The following EDC3 variants were observed in gnomAD, a reference collection of about 807,000 sequenced individuals.
The protein encoded by EDC3 is enhancer of mRNA-decapping protein 3.
Under a neutral mutation model 41.8 loss-of-function variants are expected in EDC3, and 20 were observed. The observed-to-expected ratio is 0.48, with a 90% CI of 0.34 to 0.70. EDC3 has a LOEUF of 0.70. Among genes scored for constraint, EDC3 ranks in the 30% least tolerant of loss-of-function variants. The probability of loss-of-function intolerance (pLI) is 0.01; values close to 1 mark genes in which losing one functional copy is unlikely to be tolerated. For synonymous variants in EDC3, 206 were observed against 243.2 expected (o/e 0.85, Z 1.42); for missense variants, 444 against 636.8 (o/e 0.70, Z 3.26).
intron 3 of EDC3, among the ~76,000 whole-genome samples, chr15:74,663,269 C>G (rs1056197828): frequency 6.6e-6 from 1 of 151,836 alleles, no homozygotes; most frequent in Non-Finnish European, 1.5e-5. Context: ...GCCTGGGTGA[C>G]AGAGCAAGAC....
chr15:74,659,114 A>G (rs1215916017), intron 3 of EDC3, among the ~76,000 whole-genome samples: 1 of 152,210 alleles, frequency 6.6e-6, no homozygotes, highest in Non-Finnish European at 1.5e-5. Context: ...CACTTATGCC[A>G]TAGCTAGGTG....
intron 1 of EDC3, among the ~76,000 whole-genome samples, chr15:74,678,783 A>C (rs1018678897): frequency 4.0e-5 from 6 of 151,384 alleles, no homozygotes; most frequent in Non-Finnish European, 8.8e-5. Context: ...CCAGCTACTC[A>C]AGAGGCTGAG....
Position 74,640,338 on chromosome 15 carries a change from A to G in EDC3, c.974+128T>C, listed in dbSNP as rs932086887. ...AGCATCCAGGAAAGTGACTTCAGAG[A>G]GACACTCCCATCAGATGAGCAGAAA... On this transcript the variant is annotated intron_variant, in intron 5 of 6. Transcript: ENST00000315127. 26 of 1,075,308 alleles carry G rather than the reference A, an allele frequency of 2.4e-5. No individual in the cohort carries two copies. In the East Asian group the frequency reaches 6.3e-4, roughly 26 times the overall value. 66.6% of individuals were successfully genotyped at this position (1,075,308 alleles called of 1,614,324 possible). A position where few individuals can be genotyped will look rare whatever the true frequency, so the allele number is the denominator to read the frequency against.
Position 74,675,137 on chromosome 15 carries a change from A to G in EDC3, c.-13T>C. The G allele has an allele frequency of 6.2e-7, 1 of 1,612,138 alleles. No homozygotes were observed. Among genetic ancestry groups the G allele is most frequent in the Non-Finnish European group, 8.5e-7 (1 of 1,179,960 alleles). ...AATCTGTAGCCATGTTTCACACGTG[A>G]GACCACTGTGAAGAGAAGGAACTAT... On this transcript the variant is annotated 5_prime_UTR_variant, in exon 2 of 7. Transcript: ENST00000315127.
At chr15:74,667,322 ATTTTC>A (rs1005625832) in intron 3 of EDC3, among the ~76,000 whole-genome samples, 2 of 151,616 alleles carry the variant, frequency 1.3e-5, no homozygotes, top group African/African-American at 4.8e-5. Flanking sequence ...ACACACATAT[ATTTTC>A]TTTTCTGTGA....
chr15:74,688,506 T>C (rs1446849517), intron 1 of EDC3, among the ~76,000 whole-genome samples: 1 of 152,266 alleles, frequency 6.6e-6, no homozygotes, highest in African/African-American at 2.4e-5. Flanking sequence ...AGGTAGTTAT[T>C]ATTCTGACAT....
chr15:74,670,165 T>C, intron 3 of EDC3, among the ~76,000 whole-genome samples: 1 of 151,988 alleles, frequency 6.6e-6, no homozygotes, highest in Admixed American at 6.6e-5. Flanking sequence ...AGCCTCTCAC[T>C]TAAAATTTCT....
At chr15:74,657,184 C>T (rs2062559349) in intron 3 of EDC3, among the ~76,000 whole-genome samples, 1 of 152,238 alleles carries the variant, frequency 6.6e-6, no homozygotes, top group South Asian at 2.1e-4. Flanking sequence ...ACACTTAAGC[C>T]ATCTGTGGAT....
chr15:74,648,126 C>G (rs2062438268), intron 4 of EDC3, among the ~76,000 whole-genome samples: 1 of 152,194 alleles, frequency 6.6e-6, no homozygotes, highest in African/African-American at 2.4e-5. Context: ...AGTACAACAG[C>G]TGCCAAAGGA....
At chr15:74,687,591 T>C (rs2141681938) in intron 1 of EDC3, among the ~76,000 whole-genome samples, 1 of 152,320 alleles carries the variant, frequency 6.6e-6, no homozygotes, top group Non-Finnish European at 1.5e-5. Flanking sequence ...TTGGCCAGAC[T>C]GATCTCGAAC....
intron 1 of EDC3, among the ~76,000 whole-genome samples, chr15:74,687,502 T>A (rs1029012656): frequency 1.3e-5 from 2 of 152,138 alleles, no homozygotes; most frequent in African/African-American, 4.8e-5. Context: ...CTCAGCCTCC[T>A]GAGTAGCTGG....
At chr15:74,663,492 T>C (rs979099672) in intron 3 of EDC3, among the ~76,000 whole-genome samples, 6 of 152,062 alleles carry the variant, frequency 3.9e-5, no homozygotes, top group Admixed American at 6.5e-5. Context: ...GCCAACGTGA[T>C]GTTCAAAGAA....
chr15:74,663,459 C>T (rs1209993497), intron 3 of EDC3, among the ~76,000 whole-genome samples: 1 of 152,072 alleles, frequency 6.6e-6, no homozygotes, highest in Non-Finnish European at 1.5e-5. Flanking sequence ...ATCCAAACAT[C>T]CAAAATCCAA....
intron 3 of EDC3, among the ~76,000 whole-genome samples, chr15:74,664,927 G>A (rs2062660239): frequency 6.6e-6 from 1 of 152,116 alleles, no homozygotes; most frequent in African/African-American, 2.4e-5. Context: ...TCCACCTCCA[G>A]TAACAAAGAG....
At chr15:74,667,937 C>T (rs766134866) in intron 3 of EDC3, among the ~76,000 whole-genome samples, 6 of 152,114 alleles carry the variant, frequency 3.9e-5, no homozygotes, top group Admixed American at 3.3e-4. Context: ...GAAAGAGTCA[C>T]TTTACAGAGG....
chr15:74,692,805 G>A (rs574915687), intron 1 of EDC3: 1 of 152,160 alleles, frequency 6.6e-6, no homozygotes, highest in Non-Finnish European at 1.5e-5. Context: ...TTGTATTTAG[G>A]TAATTTTATA....
intron 6 of EDC3, among the ~76,000 whole-genome samples, 164 bp from the exon 7 acceptor site, chr15:74,633,110 A>G (rs1356273729): frequency 3.3e-5 from 5 of 152,216 alleles, no homozygotes; most frequent in Admixed American, 6.5e-5. Flanking sequence ...CACAGGCCCT[A>G]GGAGTTGCAA....
intron 4 of EDC3, 144 bp downstream of exon 4, chr15:74,655,589 A>G: frequency 1.3e-6 from 1 of 784,100 alleles, no homozygotes; most frequent in Non-Finnish European, 2.0e-6. Flanking sequence ...GCAATCCCCA[A>G]GAGACAATAA....
intron 1 of EDC3, among the ~76,000 whole-genome samples, chr15:74,681,323 T>C (rs1414097777): frequency 6.6e-6 from 1 of 151,778 alleles, no homozygotes. Flanking sequence ...TGGCTAATTT[T>C]TGTATTTTTA....
Sources: gnomAD v4.1 joint callset for allele counts (sites outside exome capture counted in the v4.1 genomes callset) on GRCh38, gnomAD v4.1.1 for gene constraint, MANE v1.5 for transcripts, NCBI Gene and HGNC (gene_info 2026-07-23, HGNC 2026-07-21) for gene names.